CCDC142: variants seen among roughly 807,000 people sequenced by gnomAD.
CCDC142 encodes the protein coiled-coil domain containing 142, also known as coiled-coil domain-containing protein 142.
CCDC142 carries 67 observed loss-of-function variants against 83.8 expected under a neutral mutation model. The ratio of observed to expected loss-of-function variants is 0.80; its 90% CI spans 0.66 to 0.98. CCDC142 has a LOEUF of 0.98. Among genes scored for constraint, CCDC142 ranks in the 50% least tolerant of loss-of-function variants. The pLI, the probability that CCDC142 is intolerant of heterozygous loss-of-function variation, is 0.00. For synonymous variants in CCDC142, 421 were observed against 421.2 expected, an observed-to-expected ratio of 1.00 and a Z score of 0.01; for missense variants, 905 against 946.8, an observed-to-expected ratio of 0.96 and a Z score of 0.58.
rs779686577 is a variant in CCDC142 at position 74,474,645 on chromosome 2, C to G, written c.2154G>C (p.Leu718=). The change falls in exon 9 of 9, where the codon CTG becomes CTC. Residue 718 remains leucine (L), a synonymous_variant. Coordinates refer to ENST00000393965, the MANE Select transcript of CCDC142 (RefSeq NM_001365575.2). ...GGRGPSPEGY[L]VGNQQAWLAL... ...CAAGCCAGGCCTGCTGATTTCCCACCAGGTAGCCCTCCGGGCTAGGTCCCC... is the reference window on the plus strand; with the variant it reads ...CAAGCCAGGCCTGCTGATTTCCCACGAGGTAGCCCTCCGGGCTAGGTCCCC... 3 of 1,614,108 alleles carry G rather than the reference C, an allele frequency of 1.9e-6. No individual in the cohort carries two copies. The highest frequency in any genetic ancestry group is 2.2e-5 in the South Asian group (2 of 91,094).
chr2:74,479,377 C>T (rs1572930745), intron 5 of CCDC142, among the ~76,000 whole-genome samples: 1 of 152,170 alleles, frequency 6.6e-6, no homozygotes, highest in South Asian at 2.1e-4. Flanking sequence ...CAGACATCTT[C>T]CACATAGGAA....
chr2:74,477,132 T>C (rs1017787046), intron 5 of CCDC142, among the ~76,000 whole-genome samples: 1 of 152,120 alleles, frequency 6.6e-6, no homozygotes, highest in Non-Finnish European at 1.5e-5. Flanking sequence ...CTTTTTTTTT[T>C]TTTGAGACCA....
chr2:74,482,100 C>T lies in CCDC142; in HGVS notation c.738G>A (p.Gln246=), dbSNP rs748395759. 6.2e-7 allele frequency: 1 copy of T among 1,613,642 alleles called. No homozygotes were observed. Among genetic ancestry groups the T allele is most frequent in the East Asian group, 2.2e-5 (1 of 44,872 alleles). ...LRLLTGERGC[Q]VASRLDEALQ... is the part of the protein sequence containing the mutation. ...GCGCCTCGTCCAGCCGACTTGCCAC[C>T]TGGCAACCCCGCTCCCCCGTCAAGA... The change falls in exon 1 of 9, where the codon CAG becomes CAA. Residue 246 remains glutamine, a synonymous_variant. Coordinates refer to ENST00000393965, the MANE Select transcript of CCDC142 (RefSeq NM_001365575.2). This position sits in a 1 kb window ranked among gnomAD's most constrained non-coding sequence, Gnocchi z 5.0.
At chr2:74,479,736 G>C (rs1013029206) in intron 5 of CCDC142, among the ~76,000 whole-genome samples, 2 of 152,158 alleles carry the variant, frequency 1.3e-5, no homozygotes, top group African/African-American at 4.8e-5. Flanking sequence ...TGGGAGTACA[G>C]GCGCATGCCA....
At position 74,473,039 on chromosome 2, in the gene CCDC142, C is replaced by T; in HGVS notation, c.*1507G>A. On this transcript the variant is annotated 3_prime_UTR_variant, in exon 9 of 9. Coordinates refer to ENST00000393965, the MANE Select transcript of CCDC142 (RefSeq NM_001365575.2). ...CTAACTCGATCTTAAATCCTGGCTT[C>T]TTCCAAAGAGAGAGCACTAACACAA... 3.2e-6 allele frequency: 1 copy of T among 310,224 alleles called. No individual in the cohort carries two copies. Among genetic ancestry groups the T allele is most frequent in the Non-Finnish European group, 6.1e-6 (1 of 162,852 alleles). The allele number at this position is 310,224 out of a possible 1,614,324, so 19.2% of individuals were successfully genotyped here. A position where few individuals can be genotyped will look rare whatever the true frequency, so the allele number is the denominator to read the frequency against.
rs754905997 is a variant in CCDC142 at position 74,481,939 on chromosome 2, G to T, written c.899C>A (p.Ala300Asp). Residue 300 changes from alanine (A) to aspartate (D), a missense_variant, in exon 1 of 9, where the codon GCC becomes GAC. Physicochemically the swap from Ala to Asp is moderately radical, Grantham distance 126. Coordinates refer to ENST00000393965, the MANE Select transcript of CCDC142 (RefSeq NM_001365575.2). ...CAGGGTCCAGTATTGGCTCCACAAG[G>T]CCCCAGCCCCTCCGAGCCCTAGTCC... Reference protein sequence around the residue: ...SCGLGLGGAGALWSQYWTLLW... With the variant: ...SCGLGLGGAGDLWSQYWTLLW... 8.1e-6 allele frequency: 13 copies of T among 1,613,974 alleles called. No homozygotes were observed. In the Admixed American group the frequency reaches 1.7e-4, roughly 21 times the overall value.
rs1393514894 is a variant in CCDC142 at position 74,482,447 on chromosome 2, A to C, written c.391T>G (p.Ser131Ala). 9 of 1,553,140 alleles carry C rather than the reference A, an allele frequency of 5.8e-6. No homozygotes were observed. In the African/African-American group the frequency reaches 9.5e-5, roughly 16 times the overall value. The change falls in exon 1 of 9, where the codon TCC (serine) becomes GCC (alanine). Residue 131 changes from serine to alanine, a missense_variant. This residue lies in a region of CCDC142 where 591 missense variants were observed against 571.4 expected (regional missense o/e 1.03). Coordinates refer to ENST00000393965, the MANE Select transcript of CCDC142 (RefSeq NM_001365575.2). This position sits in a 1 kb window ranked among gnomAD's most constrained non-coding sequence, Gnocchi z 5.0. Reference sequence around the variant, plus strand: ...TGGGGCAAGGGGCTAGGGCCGCCGGATGGCGAGCCAGGACTCAGGGTCTTC... The same window carrying C: ...TGGGGCAAGGGGCTAGGGCCGCCGGCTGGCGAGCCAGGACTCAGGGTCTTC... Reference protein sequence around the residue: ...LMKTLSPGSPSGGPSPLPQWC... With the variant: ...LMKTLSPGSPAGGPSPLPQWC...
At position 74,474,955 on chromosome 2, in the gene CCDC142, G is replaced by A. The variant is rs757781711; in HGVS notation, c.1957C>T (p.Leu653=). The change falls in exon 8 of 9, where the codon CTG becomes TTG. Residue 653 remains leucine, a synonymous_variant. Coordinates refer to ENST00000393965, the MANE Select transcript of CCDC142 (RefSeq NM_001365575.2). Reference sequence around the variant, plus strand: ...CTCCTGTGGACTTGAGACTTGGGCAGGGGCTGCTGCAACAGACACAGCAGG... The same window carrying A: ...CTCCTGTGGACTTGAGACTTGGGCAAGGGCTGCTGCAACAGACACAGCAGG... ...GALLCLLQQP[L]PKSQVHRRPP... 1 of 1,608,114 alleles carries A rather than the reference G, an allele frequency of 6.2e-7. No individual in the cohort carries two copies. The highest frequency in any genetic ancestry group is 2.2e-5 in the East Asian group (1 of 44,862).
At position 74,481,294 on chromosome 2, in the gene CCDC142, T is replaced by C; in HGVS notation, c.1187A>G (p.Gln396Arg). 6.2e-7 allele frequency: 1 copy of C among 1,614,132 alleles called. No homozygotes were observed. The highest frequency in any genetic ancestry group is 1.1e-5 in the South Asian group (1 of 91,076). The change falls in exon 3 of 9, where the codon CAG (glutamine) becomes CGG (arginine). Residue 396 changes from glutamine (Q) to arginine (R), a missense_variant. This residue lies in a region of CCDC142 where 591 missense variants were observed against 571.4 expected (regional missense o/e 1.03). Transcript: ENST00000393965. Reference protein sequence around the residue: ...PTSSGTAELLQQLFPPLLDAL... With the variant: ...PTSSGTAELLRQLFPPLLDAL... Reference sequence around the variant, plus strand: ...ATCCAAGAGAGGAGGAAAGAGCTGCTGCAAAAGTTCAGCAGTGCCAGAGGA... The same window carrying C: ...ATCCAAGAGAGGAGGAAAGAGCTGCCGCAAAAGTTCAGCAGTGCCAGAGGA...
Position 74,482,943 on chromosome 2 carries a change from C to A in CCDC142, c.-106G>T, listed in dbSNP as rs778638121. 22 of 1,560,562 alleles carry A rather than the reference C, an allele frequency of 1.4e-5. No individual in the cohort carries two copies. Among genetic ancestry groups the A allele is most frequent in the Non-Finnish European group, 1.8e-5 (21 of 1,145,792 alleles). On this transcript the variant is annotated 5_prime_UTR_variant, in exon 1 of 9. Transcript: ENST00000393965. The surrounding 1 kb of genome is among the most constrained non-coding windows in gnomAD (Gnocchi z 5.0). Reference sequence around the variant, plus strand: ...CATCGCAAGAGCCGTTTTCTCCAGTCCGGGAGTCGCGGGGACCTTCATGGA... The same window carrying A: ...CATCGCAAGAGCCGTTTTCTCCAGTACGGGAGTCGCGGGGACCTTCATGGA...
Position 74,482,352 on chromosome 2 carries a change from G to C in CCDC142, c.486C>G (p.Leu162=). ...TGGGGCGCGCTAGCAGCAGCGGCTCGAGAGTCTCCCCAGGGCCGATTCGCA... is the reference window on the plus strand; with the variant it reads ...TGGGGCGCGCTAGCAGCAGCGGCTCCAGAGTCTCCCCAGGGCCGATTCGCA... ...AVLRIGPGET[L]EPLLLARPIG... Residue 162 remains leucine, a synonymous_variant, in exon 1 of 9, where the codon CTC becomes CTG. Coordinates refer to ENST00000393965, the MANE Select transcript of CCDC142 (RefSeq NM_001365575.2). The surrounding 1 kb of genome is among the most constrained non-coding windows in gnomAD (Gnocchi z 5.0). 1 of 1,596,110 alleles carries C rather than the reference G, an allele frequency of 6.3e-7. No individual in the cohort carries two copies. The highest frequency in any genetic ancestry group is 8.5e-7 in the Non-Finnish European group (1 of 1,173,104).
At chr2:74,476,620 T>G (rs1672332716) in intron 5 of CCDC142, among the ~76,000 whole-genome samples, 1 of 152,234 alleles carries the variant, frequency 6.6e-6, no homozygotes. Flanking sequence ...TATATTATTA[T>G]TCTTCACAGC....
In CCDC142 at chr2:74,474,584, G is replaced by T. The variant is rs371921047; in HGVS notation, c.2215C>A (p.Pro739Thr). 2.0e-5 allele frequency: 33 copies of T among 1,613,888 alleles called. No homozygotes were observed. In the African/African-American group the frequency reaches 3.9e-4, roughly 19 times the overall value. Residue 739 changes from proline to threonine, a missense_variant, in exon 9 of 9, where the codon CCG (proline) becomes ACG (threonine). Transcript: ENST00000393965. ...CTGGTTCCCAGGCAGGAAAAAAACG[G>T]CAGGTGCCAACGGGGTCGCTGGTGT... is the stretch of plus-strand genomic sequence containing the variant. Reference protein sequence around the residue: ...RQHQRPRWHLPFFSCLGTSPE... With the variant: ...RQHQRPRWHLTFFSCLGTSPE...
At chr2:74,481,791 A>G in intron 1 of CCDC142, 26 bp downstream of exon 1, 1 of 1,586,862 alleles carries the variant, frequency 6.3e-7, no homozygotes. Flanking sequence ...AGCCTTCCCA[A>G]ACGCCCACCC....
Position 74,481,982 on chromosome 2 carries a change from C to T in CCDC142, c.856G>A (p.Ala286Thr). 1 of 1,613,902 alleles carries T rather than the reference C, an allele frequency of 6.2e-7. No individual in the cohort carries two copies. Among genetic ancestry groups the T allele is most frequent in the Non-Finnish European group, 8.5e-7 (1 of 1,179,986 alleles). The change falls in exon 1 of 9, where the codon GCG becomes ACG. Residue 286 changes from alanine (A) to threonine (T), a missense_variant. Ala to Thr is a moderately conservative substitution (Grantham distance 58). Transcript: ENST00000393965. ...CCTAGTCCACAGCTGGCTGAACCCG[C>T]CACGCCCCCGACCAGGCCCAGCAGC... ...PGLLGLVGGV[A>T]GSASCGLGLG... is the part of the protein sequence containing the mutation.
rs1407541507 is a variant in CCDC142, at chr2:74,480,778, T to G, written c.1494A>C (p.Ala498=). 7.4e-6 allele frequency: 12 copies of G among 1,612,300 alleles called. No individual in the cohort carries two copies. The South Asian group carries it at 1.2e-4, about 16-fold the overall frequency. The part of the protein sequence containing the change: ...QLGLEIQKLT[A]QIQLLPEESL... ...AGGCCCCTGTTCTCACCTGGATCTG[T>G]GCAGTCAGCTTCTGGATCTCCAGGC... The change falls in exon 5 of 9, where the codon GCA becomes GCC. Residue 498 remains alanine (A), a synonymous_variant. Transcript: ENST00000393965.
chr2:74,480,733 GTCTTACACTGCCAC>G (rs1171527934), intron 5 of CCDC142, 22 bp downstream of exon 5: 1 of 1,461,642 alleles, frequency 6.8e-7, no homozygotes, highest in African/African-American at 1.4e-5. Flanking sequence ...AGAACATAGG[GTCTTACACTGCCAC>G]TGTTGAGGCC....
chr2:74,482,981 C>T lies in CCDC142; in HGVS notation c.-144G>A. The T allele has an allele frequency of 6.4e-7, 1 of 1,574,748 alleles. No homozygotes were observed. The highest frequency in any genetic ancestry group is 2.2e-5 in the East Asian group (1 of 44,582). ...GGACCTTCATGGACTCTCTCGTGCT[C>T]CGTAATGGGAGGCTTCTGCCCCTAA... On this transcript the variant is annotated 5_prime_UTR_variant, in exon 1 of 9. Coordinates refer to ENST00000393965, the MANE Select transcript of CCDC142 (RefSeq NM_001365575.2). This position sits in a 1 kb window ranked among gnomAD's most constrained non-coding sequence, Gnocchi z 5.0.
At chr2:74,475,807 G>C in intron 5 of CCDC142, 81 bp from the exon 6 acceptor site, 1 of 857,968 alleles carries the variant, frequency 1.2e-6, no homozygotes, top group Non-Finnish European at 1.9e-6. Context: ...TGTCCAACTT[G>C]ACATCCATAA....
Sources: gnomAD v4.1 joint callset for allele counts (sites outside exome capture counted in the v4.1 genomes callset) on GRCh38, gnomAD v4.1.1 for gene constraint, gnomAD v4.1.1 regional missense constraint, Gnocchi (gnomAD v3.1) non-coding constraint, MANE v1.5 for transcripts, NCBI Gene and HGNC (gene_info 2026-07-23, HGNC 2026-07-21) for gene names.